CSMD1: variants seen among roughly 807,000 people sequenced by gnomAD.
CSMD1 encodes CUB and sushi domain-containing protein 1.
Under a neutral mutation model 417.5 loss-of-function variants are expected in CSMD1, and 213 were observed. The observed-to-expected ratio is 0.51, with a 90% CI of 0.46 to 0.57. The LOEUF (loss-of-function observed/expected upper bound fraction) is 0.57. Among genes scored for constraint, CSMD1 ranks in the 20% least tolerant of loss-of-function variants. The pLI is 0.00. For missense variants in CSMD1, 6,923 were observed against 4,529.7 expected, an observed-to-expected ratio of 1.53 and a Z score of -15.17; for synonymous variants, 2,862 against 1,736.8, an observed-to-expected ratio of 1.65 and a Z score of -16.11.
At chr8:4,182,744 C>T (rs545873858) in intron 3 of CSMD1, among the ~76,000 whole-genome samples, 4 of 151,610 alleles carry the variant, frequency 2.6e-5, no homozygotes, top group Admixed American at 6.6e-5. Flanking sequence ...AATGGAACAT[C>T]ATTTTTTTTT....
chr8:4,384,605 A>G (rs1043980023), intron 3 of CSMD1, among the ~76,000 whole-genome samples: 3 of 151,882 alleles, frequency 2.0e-5, no homozygotes, highest in Admixed American at 6.6e-5. Flanking sequence ...TTCTGGAAGA[A>G]AAATAAAATA....
Position 4,036,641 on chromosome 8 carries a change from C to G in CSMD1, c.416-4542G>C, listed in dbSNP as rs547904383. Among the ~76,000 whole-genome samples the G allele has an allele frequency of 7.2e-5, 11 of 152,308 alleles. No homozygotes were observed. In the East Asian group the frequency reaches 1.7e-3, roughly 24 times the overall value. On this transcript the variant is annotated intron_variant, in intron 3 of 69. Transcript: ENST00000635120. ...GAAGCAGCGGATGTCAAAGAAAAAACTAGACATCAATGGAGAGCATGCCTG... is the reference window on the plus strand; with the variant it reads ...GAAGCAGCGGATGTCAAAGAAAAAAGTAGACATCAATGGAGAGCATGCCTG...
At chr8:3,991,197 C>T (rs952237108) in intron 5 of CSMD1, among the ~76,000 whole-genome samples, 1 of 152,150 alleles carries the variant, frequency 6.6e-6, no homozygotes, top group Non-Finnish European at 1.5e-5. Context: ...ACAAAAATAT[C>T]CAGGATAAGG....
chr8:4,120,244 G>A (rs1010851183), intron 3 of CSMD1, among the ~76,000 whole-genome samples: 2 of 151,934 alleles, frequency 1.3e-5, no homozygotes, highest in African/African-American at 2.4e-5. Flanking sequence ...CATGACTCCT[G>A]GGGCATAAAA....
intron 3 of CSMD1, among the ~76,000 whole-genome samples, chr8:4,354,079 G>C (rs947340226): frequency 2.0e-5 from 3 of 152,130 alleles, no homozygotes; most frequent in African/African-American, 7.2e-5. Context: ...AAATCTGCAT[G>C]GCAATATTGC....
intron 1 of CSMD1, among the ~76,000 whole-genome samples, chr8:4,755,845 G>C (rs138621560): frequency 5.3e-5 from 8 of 152,198 alleles, no homozygotes; most frequent in African/African-American, 1.9e-4. Flanking sequence ...ACTCCTAGAT[G>C]AAACCACACC....
At chr8:3,446,592 T>C (rs966971519) in intron 12 of CSMD1, among the ~76,000 whole-genome samples, 3 of 152,182 alleles carry the variant, frequency 2.0e-5, no homozygotes, top group African/African-American at 7.2e-5. Flanking sequence ...GGTAAACAGA[T>C]TCTCCTAACA....
intron 12 of CSMD1, among the ~76,000 whole-genome samples, chr8:3,465,510 T>A (rs1585205174): frequency 6.6e-6 from 1 of 151,710 alleles, no homozygotes; most frequent in African/African-American, 2.4e-5. Context: ...TGGCAGGGGG[T>A]AGTGGGGGTG....
chr8:4,166,503 G>T (rs959517497), intron 3 of CSMD1, among the ~76,000 whole-genome samples: 1 of 152,160 alleles, frequency 6.6e-6, no homozygotes, highest in African/African-American at 2.4e-5. Context: ...AGTAACTCAG[G>T]AATGGAAAAG....
In CSMD1 at chr8:4,031,896, G is replaced by C. The variant is rs950790636; in HGVS notation, c.610+9C>G. 6.8e-6 allele frequency: 11 copies of C among 1,608,704 alleles called. No homozygotes were observed. Among genetic ancestry groups the C allele is most frequent in the Admixed American group, 1.7e-5 (1 of 59,734 alleles). On this transcript the variant is annotated intron_variant, in intron 4 of 69. Coordinates refer to ENST00000635120, the MANE Select transcript of CSMD1 (RefSeq NM_033225.6). ...GAGTCTGCTCACCAGCCCCCTTGTA[G>C]CACTGTACCTCTGCAAAAGGGAGCT...
chr8:4,003,141 C>G (rs1319916557), intron 4 of CSMD1, among the ~76,000 whole-genome samples: 1 of 152,018 alleles, frequency 6.6e-6, no homozygotes, highest in Admixed American at 6.6e-5. Context: ...TGCCTGTAGT[C>G]CCAACACTTT....
intron 12 of CSMD1, among the ~76,000 whole-genome samples, chr8:3,439,309 A>ATATATATATTTTTTTTT: frequency 1.6e-5 from 1 of 62,456 alleles, no homozygotes. Context: ...ATATATATAT[A>ATATATATATTTTTTTTT]TTTTTTTTTT....
intron 3 of CSMD1, among the ~76,000 whole-genome samples, chr8:4,402,060 C>G (rs1804681254): frequency 1.3e-5 from 2 of 152,158 alleles, no homozygotes; most frequent in Non-Finnish European, 2.9e-5. Context: ...AATGGTCCTT[C>G]TAACCCCATG....
intron 1 of CSMD1, among the ~76,000 whole-genome samples, chr8:4,639,176 A>G (rs531879021): frequency 6.6e-6 from 1 of 151,672 alleles, no homozygotes; most frequent in South Asian, 2.1e-4. Flanking sequence ...TGCCTGTTTC[A>G]GCCCTTCCCC....
rs535757931 is a variant in CSMD1 at position 4,770,282 on chromosome 8, G to A, written c.86-132724C>T. Among the ~76,000 whole-genome samples the A allele has an allele frequency of 2.5e-4, 37 of 147,532 alleles. No individual in the cohort carries two copies. The East Asian group carries it at 7.2e-3, about 29-fold the overall frequency. ...ACATATAAAATTTGTAAATATATAT[G>A]TGTATGGGAATATATATTATATATA... On this transcript the variant is annotated intron_variant, in intron 1 of 69. Transcript: ENST00000635120.
intron 3 of CSMD1, among the ~76,000 whole-genome samples, chr8:4,130,617 A>C (rs1440593227): frequency 6.6e-6 from 1 of 152,112 alleles, no homozygotes; most frequent in East Asian, 1.9e-4. Context: ...CTTGTCTTCT[A>C]CCATTTAATT....
intron 26 of CSMD1, among the ~76,000 whole-genome samples, chr8:3,244,078 C>A (rs184456859): frequency 3.3e-4 from 50 of 152,284 alleles, no homozygotes; most frequent in African/African-American, 1.2e-3. Context: ...TATACAGAAG[C>A]AGTCGCATCT....
chr8:4,242,818 A>T (rs568075646), intron 3 of CSMD1, among the ~76,000 whole-genome samples: 1 of 152,342 alleles, frequency 6.6e-6, no homozygotes, highest in Non-Finnish European at 1.5e-5. Flanking sequence ...TTCATTCACC[A>T]ACGACATGTG....
At chr8:3,308,096 G>A (rs1161089255) in intron 24 of CSMD1, among the ~76,000 whole-genome samples, 1 of 151,492 alleles carries the variant, frequency 6.6e-6, no homozygotes, top group Non-Finnish European at 1.5e-5. Flanking sequence ...TAATAACACT[G>A]TACCTATAGT....
Sources: gnomAD v4.1 joint callset for allele counts (sites outside exome capture counted in the v4.1 genomes callset) on GRCh38, gnomAD v4.1.1 for gene constraint, MANE v1.5 for transcripts, NCBI Gene and HGNC (gene_info 2026-07-23, HGNC 2026-07-21) for gene names.